SLC26A5: variants seen among roughly 807,000 people sequenced by gnomAD.
SLC26A5 encodes the protein prestin.
In SLC26A5, 51 loss-of-function variants were observed where a neutral mutation model predicts 81.0. The ratio of observed to expected loss-of-function variants is 0.63; its 90% confidence interval spans 0.50 to 0.80. SLC26A5 has a LOEUF of 0.80. Among genes scored for constraint, SLC26A5 ranks in the 30% least tolerant of loss-of-function variants. SLC26A5 has a pLI of 0.00. For synonymous variants in SLC26A5, 325 were observed against 332.8 expected (o/e 0.98, Z 0.25); for missense variants, 771 against 905.8 (o/e 0.85, Z 1.91).
At chr7:103,389,516 G>C in intron 12 of SLC26A5, 92 bp from the exon 13 acceptor site, 3 of 897,438 alleles carry the variant, frequency 3.3e-6, no homozygotes, top group Middle Eastern at 2.4e-4. Flanking sequence ...TCCTCCCCAT[G>C]CCTTCTCCCT....
At position 103,367,681 on chromosome 7, in the gene SLC26A5, A is replaced by G; in HGVS notation, c.2041+9127T>C. On this transcript the variant is annotated intron_variant, in intron 19 of 19. Coordinates refer to the SLC26A5 transcript ENST00000339444. This position sits in a 1 kb window ranked among gnomAD's most constrained non-coding sequence, Gnocchi z 6.1. ...TTTTTTCTTCCTGTGATTTTTTTCC[A>G]TTTTAATATTTGTCAATTTTCTCAT... is the stretch of plus-strand genomic sequence containing the variant. 6.2e-7 allele frequency: 1 copy of G among 1,607,928 alleles called. No homozygotes were observed. Among genetic ancestry groups the G allele is most frequent in the Non-Finnish European group, 8.5e-7 (1 of 1,177,690 alleles).
At chr7:103,411,685 T>A (rs1310207227) in intron 5 of SLC26A5, 99 bp from the exon 6 acceptor site, 2 of 1,349,650 alleles carry the variant, frequency 1.5e-6, no homozygotes, top group Non-Finnish European at 2.1e-6. Context: ...CAAGAAATCA[T>A]GCTTGAAGGA....
chr7:103,358,312 C>G (rs1359200337), intron 19 of SLC26A5, among the ~76,000 whole-genome samples: 1 of 151,972 alleles, frequency 6.6e-6, no homozygotes, highest in Non-Finnish European at 1.5e-5. Flanking sequence ...TGGTGATGTG[C>G]CTTGGTGTTG....
chr7:103,377,911 C>T, intron 17 of SLC26A5, 112 bp from the exon 18 acceptor site: 1 of 954,294 alleles, frequency 1.0e-6, no homozygotes, highest in Non-Finnish European at 1.7e-6. Context: ...ACTGACTCTA[C>T]CAGACCCCTT....
intron 2 of SLC26A5, among the ~76,000 whole-genome samples, chr7:103,439,123 G>A (rs1826679058): frequency 6.6e-6 from 1 of 152,026 alleles, no homozygotes; most frequent in South Asian, 2.1e-4. Context: ...TTATTCTTTA[G>A]CAACTAGCAG....
chr7:103,376,968 T>C, intron 18 of SLC26A5, 106 bp from the exon 19 acceptor site: 1 of 739,822 alleles, frequency 1.4e-6, no homozygotes. Context: ...ATTCATTCAC[T>C]TGAGCTACTT....
intron 19 of SLC26A5, chr7:103,361,925 C>T (rs766525089): frequency 1.7e-5 from 27 of 1,586,970 alleles, no homozygotes; most frequent in Non-Finnish European, 1.1e-5. Context: ...GGCTTAGGTT[C>T]CTTATTCTAA....
chr7:103,376,913 G>A (rs1563511332), intron 18 of SLC26A5, 51 bp from the exon 19 acceptor site: 4 of 1,249,310 alleles, frequency 3.2e-6, no homozygotes, highest in Non-Finnish European at 4.7e-6. Flanking sequence ...TGTGCCAGAT[G>A]AAAGTCTCTT....
chr7:103,364,406 A>G, intron 19 of SLC26A5: 2 of 1,376,498 alleles, frequency 1.5e-6, no homozygotes, highest in East Asian at 4.7e-5. Flanking sequence ...TCCAGACCTG[A>G]AATTTCTTTT....
downstream of SLC26A5, among the ~76,000 whole-genome samples, chr7:103,369,652 G>T (rs1820914938): frequency 6.6e-6 from 1 of 152,198 alleles, no homozygotes; most frequent in African/African-American, 2.4e-5. Flanking sequence ...TGTACTCAAA[G>T]AGATGAAACA....
At chr7:103,364,879 A>G (rs1015432120) in intron 19 of SLC26A5, among the ~76,000 whole-genome samples, 2 of 151,002 alleles carry the variant, frequency 1.3e-5, no homozygotes, top group Non-Finnish European at 2.9e-5. Context: ...ATTAAAAAGT[A>G]TACTTTTACT....
At chr7:103,359,172 A>ATTTTTTTTTTTTT (rs1586155184) in intron 19 of SLC26A5, among the ~76,000 whole-genome samples, 3 of 58,420 alleles carry the variant, frequency 5.1e-5, no homozygotes, top group Admixed American at 2.3e-4. Flanking sequence ...TTTTTTTTTA[A>ATTTTTTTTTTTTT]TTTTTAGTAG....
intron 19 of SLC26A5, among the ~76,000 whole-genome samples, chr7:103,364,958 C>CATATATATATATATATATATATATAT (rs59914167): frequency 5.1e-4 from 64 of 125,456 alleles, no homozygotes; most frequent in Non-Finnish European, 6.3e-4. Flanking sequence ...TGTAGACATA[C>CATATATATATATATATATATATATAT]ATATATATAT....
intron 14 of SLC26A5, among the ~76,000 whole-genome samples, chr7:103,380,958 A>ACATG (rs1429338826): frequency 6.6e-6 from 1 of 151,442 alleles, no homozygotes; most frequent in African/African-American, 2.4e-5. Flanking sequence ...ATACATACAC[A>ACATG]CATGCATACA....
rs1820490621 is a variant in SLC26A5, at chr7:103,362,827, A to G, written c.2042-9901T>C. ...TTTTTTTTTTTTGAGGCGGAGTTTC[A>G]CTCTTGTCCAGGCTGGAGTAGAATG... On this transcript the variant is annotated intron_variant, in intron 19 of 19. Coordinates refer to the SLC26A5 transcript ENST00000339444. The G allele has an allele frequency of 2.5e-6, 3 of 1,183,192 alleles. No individual in the cohort carries two copies. The Admixed American group carries it at 6.4e-5, about 25-fold the overall frequency. 73.3% of individuals were successfully genotyped at this position (1,183,192 alleles called of 1,614,324 possible).
At chr7:103,360,033 A>G (rs1420510045) in intron 19 of SLC26A5, among the ~76,000 whole-genome samples, 3 of 151,796 alleles carry the variant, frequency 2.0e-5, no homozygotes. Flanking sequence ...GTGAGTCAAG[A>G]TCGCGCCACT....
At chr7:103,415,940 A>C (rs1002429181) in intron 4 of SLC26A5, among the ~76,000 whole-genome samples, 1 of 152,064 alleles carries the variant, frequency 6.6e-6, no homozygotes, top group Non-Finnish European at 1.5e-5. Context: ...ATCAGGCTTG[A>C]TCCTCTGGTG....
At chr7:103,374,622 A>G (rs749650500) in intron 19 of SLC26A5, 30 bp from the exon 20 acceptor site, 3 of 1,605,324 alleles carry the variant, frequency 1.9e-6, no homozygotes. Context: ...AAATTAGTCC[A>G]CACTCTGGAT....
intron 14 of SLC26A5, among the ~76,000 whole-genome samples, chr7:103,386,384 G>A (rs1822196562): frequency 1.3e-5 from 2 of 152,004 alleles, no homozygotes; most frequent in Admixed American, 1.3e-4. Context: ...TGGCTGACAC[G>A]ATGAAACTCT....
Sources: allele counts gnomAD v4.1 joint callset (sites outside exome capture counted in the v4.1 genomes callset), GRCh38; gene constraint gnomAD v4.1.1; non-coding constraint Gnocchi (gnomAD v3.1); transcripts MANE v1.5; gene names NCBI Gene and HGNC (gene_info 2026-07-23, HGNC 2026-07-21).